DSCAM: variants seen among roughly 807,000 people sequenced by gnomAD.
The protein encoded by DSCAM is cell adhesion molecule DSCAM.
Under a neutral mutation model 217.7 loss-of-function variants are expected in DSCAM, and 47 were observed. The ratio of observed to expected loss-of-function variants is 0.22; its 90% CI spans 0.17 to 0.28. The LOEUF (loss-of-function observed/expected upper bound fraction) is 0.28. Among genes scored for constraint, DSCAM ranks in the 10% least tolerant of loss-of-function variants. The probability of loss-of-function intolerance (pLI) is 1.00; values close to 1 mark genes in which losing one functional copy is unlikely to be tolerated. For synonymous variants in DSCAM, 1,056 were observed against 1,015.3 expected, an observed-to-expected ratio of 1.04 and a Z score of -0.76; for missense variants, 2,080 against 2,618.3, an observed-to-expected ratio of 0.79 and a Z score of 4.49.
intron 1 of DSCAM, among the ~76,000 whole-genome samples, chr21:40,828,786 G>A (rs1318164066): frequency 2.6e-5 from 4 of 151,782 alleles, no homozygotes; most frequent in Non-Finnish European, 5.9e-5. Context: ...CTCCCAAGTA[G>A]CTGGGACTAC....
intron 14 of DSCAM, among the ~76,000 whole-genome samples, chr21:40,185,796 C>T (rs1357427711): frequency 6.6e-6 from 1 of 152,226 alleles, no homozygotes; most frequent in Non-Finnish European, 1.5e-5. Flanking sequence ...GTCCTAGTCC[C>T]CAAAAGATGC....
At chr21:40,305,362 C>T (rs887488797) in intron 9 of DSCAM, among the ~76,000 whole-genome samples, 3 of 140,912 alleles carry the variant, frequency 2.1e-5, no homozygotes, top group African/African-American at 8.7e-5. Context: ...TGTACTGCAG[C>T]CTGGGTGACA....
chr21:40,832,466 T>C (rs2092019587), intron 1 of DSCAM, among the ~76,000 whole-genome samples: 1 of 152,172 alleles, frequency 6.6e-6, no homozygotes, highest in Non-Finnish European at 1.5e-5. Flanking sequence ...GATTACACAA[T>C]ATTCGAAGGG....
intron 7 of DSCAM, 136 bp from the exon 8 acceptor site, chr21:40,338,512 T>G: frequency 1.1e-6 from 1 of 946,372 alleles, no homozygotes; most frequent in Non-Finnish European, 1.5e-6. Context: ...ACAAATATTT[T>G]TGCATGTGGC....
intron 15 of DSCAM, among the ~76,000 whole-genome samples, chr21:40,172,747 G>T (rs2090673073): frequency 6.6e-6 from 1 of 152,194 alleles, no homozygotes; most frequent in Non-Finnish European, 1.5e-5. Flanking sequence ...TGGGAGATTT[G>T]CCTTCTATGT....
At chr21:40,493,640 T>C (rs2076093668) in intron 3 of DSCAM, among the ~76,000 whole-genome samples, 2 of 151,876 alleles carry the variant, frequency 1.3e-5, no homozygotes, top group African/African-American at 4.8e-5. Context: ...GGCAGGTGGA[T>C]CCCCTGAGGT....
intron 3 of DSCAM, among the ~76,000 whole-genome samples, chr21:40,475,000 A>C (rs2145975316): frequency 6.6e-6 from 1 of 152,026 alleles, no homozygotes; most frequent in Middle Eastern, 3.4e-3. Flanking sequence ...GAAAAAAAAA[A>C]GCCCATCACC....
Position 40,144,446 on chromosome 21 carries a change from C to G in DSCAM, c.3259+45G>C. ...GAGCCCCGGGGCAGACCCGAGGGAA[C>G]CTTTGCGGAGGGAAAAGCCACGACC... On this transcript the variant is annotated intron_variant, in intron 17 of 32. Coordinates refer to ENST00000400454, the MANE Select transcript of DSCAM (RefSeq NM_001389.5). This position sits in a 1 kb window ranked among gnomAD's most constrained non-coding sequence, Gnocchi z 4.8. The G allele has an allele frequency of 1.9e-6, 3 of 1,608,208 alleles. No homozygotes were observed. The highest frequency in any genetic ancestry group is 2.6e-6 in the Non-Finnish European group (3 of 1,176,134).
intron 21 of DSCAM, among the ~76,000 whole-genome samples, chr21:40,090,117 A>G (rs1052251865): frequency 2.6e-5 from 4 of 152,100 alleles, no homozygotes; most frequent in Non-Finnish European, 5.9e-5. Flanking sequence ...TCCAGCCACC[A>G]AATCTGTGAA....
intron 1 of DSCAM, among the ~76,000 whole-genome samples, chr21:40,822,479 T>C (rs2091937919): frequency 6.6e-6 from 1 of 152,118 alleles, no homozygotes; most frequent in Non-Finnish European, 1.5e-5. Flanking sequence ...TTTGTACTTA[T>C]CTATGTCATA....
chr21:40,641,786 T>C (rs1001364456), intron 3 of DSCAM, among the ~76,000 whole-genome samples: 4 of 152,172 alleles, frequency 2.6e-5, no homozygotes, highest in African/African-American at 7.2e-5. Flanking sequence ...ACACTCATCA[T>C]GCCTGTAATC....
intron 19 of DSCAM, among the ~76,000 whole-genome samples, chr21:40,126,764 T>C (rs535055944): frequency 6.6e-6 from 1 of 152,202 alleles, no homozygotes; most frequent in African/African-American, 2.4e-5. Context: ...TACTGCACCA[T>C]CTAAACTCGC....
At chr21:40,782,000 A>AAAG (rs1007890636) in intron 1 of DSCAM, among the ~76,000 whole-genome samples, 4 of 149,522 alleles carry the variant, frequency 2.7e-5, no homozygotes, top group African/African-American at 9.8e-5. Context: ...TACAAAAAAA[A>AAAG]AAAAAAAAAA....
chr21:40,628,738 TATCTATCTATC>T (rs374030303), intron 3 of DSCAM, among the ~76,000 whole-genome samples: 7,947 of 112,508 alleles, frequency 0.071, 259 homozygotes, highest in African/African-American at 0.099. Flanking sequence ...TCTATCTATC[TATCTATCTATC>T]TTTTCTTGTG....
chr21:40,698,720 A>C (rs1469453490), intron 2 of DSCAM, among the ~76,000 whole-genome samples: 1 of 152,094 alleles, frequency 6.6e-6, no homozygotes, highest in Non-Finnish European at 1.5e-5. Context: ...AAATACAAAA[A>C]TTAGCCAGGC....
intron 1 of DSCAM, among the ~76,000 whole-genome samples, chr21:40,768,574 C>T (rs1483121210): frequency 1.3e-5 from 2 of 152,158 alleles, no homozygotes; most frequent in Non-Finnish European, 2.9e-5. Context: ...ATGAACGAAG[C>T]CAGCTTCAGT....
At chr21:40,611,162 G>A (rs954004667) in intron 3 of DSCAM, among the ~76,000 whole-genome samples, 3 of 147,926 alleles carry the variant, frequency 2.0e-5, no homozygotes, top group East Asian at 2.0e-4. Context: ...GGGTTCAAGC[G>A]ATTCTCCTGC....
At chr21:40,117,361 G>C (rs1230558437) in intron 20 of DSCAM, among the ~76,000 whole-genome samples, 1 of 152,174 alleles carries the variant, frequency 6.6e-6, no homozygotes, top group Non-Finnish European at 1.5e-5. Context: ...TCAGTGCTGG[G>C]AGTACTGGGG....
chr21:40,347,913 C>T lies in DSCAM; in HGVS notation c.967G>A (p.Val323Ile). The stretch of plus-strand genomic sequence containing the variant: ...ACTTGGCTACCCACGCTGCTTTTAA[C>T]CTTCCTGGGACTGATGGTGGCTTTC... ...PLKATISPRK[V>I]KSSVGSQVSL... is the part of the protein sequence containing the mutation. The change falls in exon 6 of 33, where the codon GTT becomes ATT. Residue 323 changes from valine to isoleucine, a missense_variant. Physicochemically the swap from Val to Ile is conservative, Grantham distance 29. Transcript: ENST00000400454. 1 of 1,613,894 alleles carries T rather than the reference C, an allele frequency of 6.2e-7. No individual in the cohort carries two copies. The highest frequency in any genetic ancestry group is 8.5e-7 in the Non-Finnish European group (1 of 1,179,896).
Sources: allele counts gnomAD v4.1 joint callset (sites outside exome capture counted in the v4.1 genomes callset), GRCh38; gene constraint gnomAD v4.1.1; non-coding constraint Gnocchi (gnomAD v3.1); transcripts MANE v1.5; gene names NCBI Gene and HGNC (gene_info 2026-07-23, HGNC 2026-07-21).